Variants in FNDC3B observed in about 807,000 individuals in gnomAD.
The protein encoded by FNDC3B is fibronectin type III domain-containing protein 3B.
A neutral mutation model predicts 151.5 loss-of-function variants in FNDC3B; 12 were observed. The observed-to-expected ratio is 0.08, with a 90% CI of 0.05 to 0.13. The LOEUF is 0.13. Among genes scored for constraint, FNDC3B ranks in the 10% least tolerant of loss-of-function variants. FNDC3B has a pLI of 1.00. For synonymous variants in FNDC3B, 528 were observed against 549.0 expected (o/e 0.96, Z 0.54); for missense variants, 1,214 against 1,505.3 (o/e 0.81, Z 3.20).
intron 1 of FNDC3B, among the ~76,000 whole-genome samples, chr3:172,068,269 C>T (rs547026073): frequency 6.6e-5 from 10 of 152,266 alleles, no homozygotes; most frequent in South Asian, 2.1e-4. Flanking sequence ...AATGGGGAAG[C>T]GCCAGAAAGA....
At chr3:172,264,497 TTA>T (rs1050464994) in intron 6 of FNDC3B, among the ~76,000 whole-genome samples, 1 of 152,202 alleles carries the variant, frequency 6.6e-6, no homozygotes, top group African/African-American at 2.4e-5. Context: ...TTCTTCTATT[TTA>T]TATGTTTGTT....
rs75026035 is a variant in FNDC3B, at chr3:172,056,881, C to T, written c.-29+17110C>T. The stretch of plus-strand genomic sequence containing the variant: ...CTGTTCATGTGACAGCTTTCCAGCT[C>T]ATCCTTAATGTCATACTCGAGCTGT... On this transcript the variant is annotated intron_variant, in intron 1 of 25. Transcript: ENST00000415807. Among the ~76,000 whole-genome samples the T allele has an allele frequency of 1.1e-3, 165 of 152,286 alleles. 3 individuals carry two copies. In the East Asian group the frequency reaches 0.03, roughly 27 times the overall value.
chr3:172,195,630 A>G (rs1020587982), intron 3 of FNDC3B, among the ~76,000 whole-genome samples: 1 of 152,216 alleles, frequency 6.6e-6, no homozygotes, highest in Admixed American at 6.5e-5. Flanking sequence ...AGCAAATTAC[A>G]TTTTGAGAAA....
At chr3:172,344,382 A>G in intron 19 of FNDC3B, 124 bp downstream of exon 19, 1 of 720,064 alleles carries the variant, frequency 1.4e-6, no homozygotes, top group Non-Finnish European at 2.3e-6. Context: ...GACAACCATT[A>G]ATGCAGTGTC....
intron 11 of FNDC3B, among the ~76,000 whole-genome samples, chr3:172,316,932 T>G (rs898132848): frequency 6.6e-6 from 1 of 152,352 alleles, no homozygotes; most frequent in Admixed American, 6.5e-5. Context: ...AGGACTTGTA[T>G]CTGGCAAGGG....
chr3:172,316,343 G>C, intron 11 of FNDC3B: 1 of 446,108 alleles, frequency 2.2e-6, no homozygotes, highest in Non-Finnish European at 4.5e-6. Flanking sequence ...GCAGAGGTGG[G>C]AGTTTTTCTC....
chr3:172,128,765 A>G (rs1720926204), intron 2 of FNDC3B, among the ~76,000 whole-genome samples: 1 of 152,218 alleles, frequency 6.6e-6, no homozygotes, highest in African/African-American at 2.4e-5. Flanking sequence ...TTGGATAATC[A>G]TAAATGTGGG....
chr3:172,254,873 A>G (rs12637941), intron 6 of FNDC3B, among the ~76,000 whole-genome samples: 16,967 of 152,158 alleles, frequency 0.11, 1,283 homozygotes, highest in East Asian at 0.31. Context: ...TTTGTTACTT[A>G]CTATTTCCTT....
At chr3:172,073,797 C>T (rs149021816) in intron 1 of FNDC3B, among the ~76,000 whole-genome samples, 18 of 152,190 alleles carry the variant, frequency 1.2e-4, no homozygotes, top group Non-Finnish European at 2.2e-4. Flanking sequence ...ACTGACTCCA[C>T]CTTACAATGG....
At chr3:172,237,089 T>C (rs1339953206) in intron 4 of FNDC3B, among the ~76,000 whole-genome samples, 2 of 152,238 alleles carry the variant, frequency 1.3e-5, no homozygotes, top group Non-Finnish European at 2.9e-5. Context: ...ACAAAGCCAG[T>C]GGAAGGATTG....
At chr3:172,188,208 T>C (rs1382591448) in intron 3 of FNDC3B, among the ~76,000 whole-genome samples, 1 of 151,498 alleles carries the variant, frequency 6.6e-6, no homozygotes, top group Non-Finnish European at 1.5e-5. Context: ...TTGGTCAGGC[T>C]GGTCTCAAAC....
At chr3:172,227,033 C>A in intron 4 of FNDC3B, 86 bp downstream of exon 4, 1 of 960,116 alleles carries the variant, frequency 1.0e-6, no homozygotes, top group Non-Finnish European at 1.7e-6. Flanking sequence ...AAGCCATATT[C>A]CAGGAGTTAA....
chr3:172,142,086 T>A (rs1407549999), intron 3 of FNDC3B, among the ~76,000 whole-genome samples: 1 of 152,204 alleles, frequency 6.6e-6, no homozygotes, highest in African/African-American at 2.4e-5. Context: ...AATTTCTCTC[T>A]GGAAGGATTG....
At chr3:172,222,560 AG>A (rs1296916429) in intron 3 of FNDC3B, among the ~76,000 whole-genome samples, 1 of 152,122 alleles carries the variant, frequency 6.6e-6, no homozygotes, top group Non-Finnish European at 1.5e-5. Context: ...ATTGGGGGTG[AG>A]GGGGGCTGTT....
rs114036614 is a variant in FNDC3B, at chr3:172,098,954, C to T, written c.-28-13498C>T. On this transcript the variant is annotated intron_variant, in intron 1 of 25. Transcript: ENST00000415807. ...TGGGAGGTTTGTGAGAAGTGGTTTC[C>T]CACCAGCACACAATGCTGCCTCTCG... is the stretch of plus-strand genomic sequence containing the variant. Among the ~76,000 whole-genome samples the T allele has an allele frequency of 3.2e-3, 487 of 152,270 alleles. 4 individuals carry two copies. The highest frequency in any genetic ancestry group is 0.011 in the African/African-American group (451 of 41,546).
intron 1 of FNDC3B, among the ~76,000 whole-genome samples, chr3:172,096,610 C>CA: frequency 6.6e-6 from 1 of 152,086 alleles, no homozygotes; most frequent in African/African-American, 2.4e-5. Flanking sequence ...TAATGAGTAT[C>CA]ACTGTTATGT....
chr3:172,328,719 C>A (rs148870423), intron 11 of FNDC3B, among the ~76,000 whole-genome samples: 1 of 152,252 alleles, frequency 6.6e-6, no homozygotes, highest in Non-Finnish European at 1.5e-5. Flanking sequence ...AGTAAATTAC[C>A]TGTCTCAATT....
At chr3:172,380,170 TAG>T (rs1436012295) in intron 24 of FNDC3B, among the ~76,000 whole-genome samples, 1 of 151,844 alleles carries the variant, frequency 6.6e-6, no homozygotes, top group Non-Finnish European at 1.5e-5. Context: ...TGCATGTAAT[TAG>T]GGATTAAAGT....
intron 23 of FNDC3B, among the ~76,000 whole-genome samples, chr3:172,369,895 TTCTC>T (rs774705618): frequency 2.2e-4 from 34 of 152,014 alleles, no homozygotes; most frequent in African/African-American, 8.2e-4. Context: ...ACATACGAAA[TTCTC>T]TCTCTCTTTC....
Sources: allele counts gnomAD v4.1 joint callset (sites outside exome capture counted in the v4.1 genomes callset), GRCh38; gene constraint gnomAD v4.1.1; transcripts MANE v1.5; gene names NCBI Gene and HGNC (gene_info 2026-07-23, HGNC 2026-07-21).